The following COL4A3 variants were observed in gnomAD, a reference collection of about 807,000 sequenced individuals.
COL4A3 encodes collagen type IV alpha 3 chain, also known as collagen alpha-3(IV) chain.
COL4A3 carries 135 observed loss-of-function variants against 217.4 expected under a neutral mutation model. That is an observed-to-expected ratio of 0.62 (90% CI 0.54 to 0.72). COL4A3 has a LOEUF of 0.72. COL4A3 is among the 30% of genes least tolerant of loss of function. The pLI is 0.00. For missense variants in COL4A3, 1,868 were observed against 2,119.9 expected (o/e 0.88, Z 2.33); for synonymous variants, 690 against 736.3 (o/e 0.94, Z 1.02).
chr2:227,165,914 T>C (rs1270887956), intron 1 of COL4A3, among the ~76,000 whole-genome samples: 3 of 152,286 alleles, frequency 2.0e-5, no homozygotes, highest in East Asian at 1.9e-4. Context: ...GTGTCCACTT[T>C]CACCACTTTC....
In COL4A3 at chr2:227,312,979, T is replaced by C. The variant is rs2073797165; in HGVS notation, c.*1109T>C. 6.6e-6 allele frequency: 1 copy of C among 152,334 alleles called. No homozygotes were observed. Among genetic ancestry groups the C allele is most frequent in the Admixed American group, 6.6e-5 (1 of 15,242 alleles). The allele number at this position is 152,334 out of a possible 1,614,324, so 9.4% of individuals were successfully genotyped here. On this transcript the variant is annotated 3_prime_UTR_variant, in exon 52 of 52. Transcript: ENST00000396578. ...TGTTATATGTTGTTCTTACAAACCA[T>C]ACTGAAAGAGTCCATTGTTTAAAAA... is the stretch of plus-strand genomic sequence containing the variant.
chr2:227,264,208 G>A (rs2070758688), intron 21 of COL4A3, among the ~76,000 whole-genome samples: 1 of 152,230 alleles, frequency 6.6e-6, no homozygotes, highest in Admixed American at 6.5e-5. Context: ...GGGGAAGGAT[G>A]GGTGGCTATC....
At chr2:227,296,584 G>A in intron 41 of COL4A3, 2 of 734,520 alleles carry the variant, frequency 2.7e-6, no homozygotes, top group Non-Finnish European at 3.3e-6. Context: ...TCATATTGCA[G>A]AGCATGTAAT....
At chr2:227,275,053 A>G (rs1445962342) in intron 26 of COL4A3, among the ~76,000 whole-genome samples, 1 of 152,250 alleles carries the variant, frequency 6.6e-6, no homozygotes, top group Non-Finnish European at 1.5e-5. Context: ...CTTTTATGCT[A>G]CAATGGCAGA....
Position 227,266,219 on chromosome 2 carries a change from A to G in COL4A3, c.1316-198A>G, listed in dbSNP as rs543413460. On this transcript the variant is annotated intron_variant, in intron 21 of 51. Transcript: ENST00000396578. ...TACAATGAGCTTTCAAAGATCAACT[A>G]CCTTAAAAATACCACATCTATGTAA... Among the ~76,000 whole-genome samples, 18 of 152,308 alleles carry G rather than the reference A, an allele frequency of 1.2e-4. No individual in the cohort carries two copies. The East Asian group carries it at 3.3e-3, about 28-fold the overall frequency.
chr2:227,302,672 T>C (rs79213633), intron 43 of COL4A3, among the ~76,000 whole-genome samples: 1 of 51,806 alleles, frequency 1.9e-5, no homozygotes, highest in African/African-American at 8.9e-5. Context: ...ACGAGACTCT[T>C]TCTCCAAAAA....
intron 32 of COL4A3, among the ~76,000 whole-genome samples, chr2:227,283,439 G>A (rs2072110370): frequency 6.6e-6 from 1 of 152,178 alleles, no homozygotes; most frequent in Non-Finnish European, 1.5e-5. Flanking sequence ...AGTTCAATTT[G>A]AGACAAGTGT....
At chr2:227,231,315 G>T (rs1304016251) in intron 1 of COL4A3, among the ~76,000 whole-genome samples, 8 of 152,052 alleles carry the variant, frequency 5.3e-5, no homozygotes, top group African/African-American at 1.9e-4. Context: ...CGTCCCCCTA[G>T]TATACCAGCA....
intron 15 of COL4A3, among the ~76,000 whole-genome samples, chr2:227,255,340 G>C (rs560595620): frequency 9.5e-4 from 145 of 152,148 alleles, no homozygotes; most frequent in African/African-American, 3.5e-3. Context: ...GAAGCAGCAG[G>C]GGCCCCCACT....
chr2:227,309,240 C>A lies in COL4A3; in HGVS notation c.4677C>A (p.Ala1559=). Reference sequence around the variant, plus strand: ...GTGAAGGTCCTGCGATCGCCATAGCCGTTCACAGCCAAACCACTGACATTC... The same window carrying A: ...GTGAAGGTCCTGCGATCGCCATAGCAGTTCACAGCCAAACCACTGACATTC... The part of the protein sequence containing the change: ...TVCEGPAIAI[A]VHSQTTDIPP... Residue 1559 remains alanine (A), a synonymous_variant, in exon 50 of 52, where the codon GCC becomes GCA. Transcript: ENST00000396578. 1 of 1,614,192 alleles carries A rather than the reference C, an allele frequency of 6.2e-7. No individual in the cohort carries two copies. The highest frequency in any genetic ancestry group is 8.5e-7 in the Non-Finnish European group (1 of 1,180,032).
chr2:227,249,226 ATATAT>A lies in COL4A3; in HGVS notation c.546+708_546+712del, dbSNP rs1340923836. Among the ~76,000 whole-genome samples, 7 of 24,212 alleles carry A rather than the reference ATATAT, an allele frequency of 2.9e-4. No individual in the cohort carries two copies. The East Asian group carries it at 8.8e-3, about 30-fold the overall frequency. The allele number at this position is 24,212 out of a possible 152,430, so 15.9% of individuals were successfully genotyped here. On this transcript the variant is annotated intron_variant, in intron 9 of 51. Coordinates refer to ENST00000396578, the MANE Select transcript of COL4A3 (RefSeq NM_000091.5). The stretch of plus-strand genomic sequence containing the variant: ...AAAATTAGCTAGTATATATATATAT[ATATAT>A]TTTTTTTTTTTTTTTTTTTTTTGAG...
chr2:227,194,687 AAAATT>A (rs2066401989), intron 1 of COL4A3, among the ~76,000 whole-genome samples: 1 of 152,240 alleles, frequency 6.6e-6, no homozygotes, highest in Non-Finnish European at 1.5e-5. Context: ...TCAAATATAA[AAAATT>A]AAAGGGGGAA....
chr2:227,307,780 G>A lies in COL4A3; in HGVS notation c.4323G>A (p.Trp1441Ter). 1.2e-6 allele frequency: 2 copies of A among 1,614,148 alleles called. No homozygotes were observed. The highest frequency in any genetic ancestry group is 1.7e-6 in the Non-Finnish European group (2 of 1,180,030). Residue 1441 changes from tryptophan (W) to a stop codon, truncating the protein, a stop_gained, in exon 48 of 52, where the codon TGG becomes TGA. Coordinates refer to ENST00000396578, the MANE Select transcript of COL4A3 (RefSeq NM_000091.5). LOFTEE classifies it high-confidence loss of function. Reference protein sequence around the residue: ...KRGDSGSPATWTTRGFVFTRH... With the variant: ...KRGDSGSPAT ...GAGACAGTGGATCACCTGCAACCTG[G>A]ACAACGAGAGGCTTTGTCTTCACCC...
At chr2:227,170,495 A>G (rs915947450) in intron 1 of COL4A3, among the ~76,000 whole-genome samples, 4 of 152,210 alleles carry the variant, frequency 2.6e-5, no homozygotes, top group African/African-American at 7.2e-5. Flanking sequence ...AGGGAAAGAG[A>G]CCCAAATGAA....
chr2:227,254,306 C>T (rs2125935289), intron 14 of COL4A3, 132 bp downstream of exon 14: 1 of 771,414 alleles, frequency 1.3e-6, no homozygotes, highest in Non-Finnish European at 2.2e-6. Flanking sequence ...GGCTACTCCA[C>T]AGGCAGAGCA....
chr2:227,248,310 C>A (rs1360956482), intron 8 of COL4A3, 133 bp from the exon 9 acceptor site: 3 of 736,698 alleles, frequency 4.1e-6, no homozygotes, highest in South Asian at 1.5e-5. Context: ...ATTACAAAAT[C>A]ATAAATCATT....
At chr2:227,230,740 G>T (rs1358437083) in intron 1 of COL4A3, among the ~76,000 whole-genome samples, 4 of 152,170 alleles carry the variant, frequency 2.6e-5, no homozygotes, top group Non-Finnish European at 5.9e-5. Context: ...TTTAAGAAAA[G>T]ACAGCATTAG....
chr2:227,311,796 C>T lies in COL4A3; in HGVS notation c.4939C>T (p.Pro1647Ser). Residue 1647 changes from proline (P) to serine (S), a missense_variant, in exon 52 of 52, where the codon CCA becomes TCA. Physicochemically the swap from Pro to Ser is moderately conservative, Grantham distance 74. Transcript: ENST00000396578. Reference protein sequence around the residue: ...NPERMFRKPIPSTVKAGELEK... With the variant: ...NPERMFRKPISSTVKAGELEK... ...TTGTTTTTATTTCAGAAAGCCTATT[C>T]CATCAACTGTGAAAGCTGGGGAATT... The T allele has an allele frequency of 3.7e-6, 6 of 1,613,782 alleles. No homozygotes were observed. Among genetic ancestry groups the T allele is most frequent in the Admixed American group, 3.3e-5 (2 of 60,010 alleles).
intron 1 of COL4A3, among the ~76,000 whole-genome samples, chr2:227,180,415 A>G (rs2065832158): frequency 6.6e-6 from 1 of 152,070 alleles, no homozygotes; most frequent in Admixed American, 6.6e-5. Flanking sequence ...CAGAGCTTCT[A>G]CTCGCTGTGA....
Sources: gnomAD v4.1 joint callset for allele counts (sites outside exome capture counted in the v4.1 genomes callset) on GRCh38, gnomAD v4.1.1 for gene constraint, MANE v1.5 for transcripts, NCBI Gene and HGNC (gene_info 2026-07-23, HGNC 2026-07-21) for gene names.